The following POGLUT2 variants were observed in gnomAD, a reference collection of about 807,000 sequenced individuals.
POGLUT2 encodes the protein protein O-glucosyltransferase 2.
A neutral mutation model predicts 57.6 loss-of-function variants in POGLUT2; 47 were observed. The ratio of observed to expected loss-of-function variants is 0.82; its 90% confidence interval spans 0.65 to 1.04. The LOEUF is 1.04. Among genes scored for constraint, POGLUT2 ranks in the 50% least tolerant of loss-of-function variants. The pLI is 0.00. For synonymous variants in POGLUT2, 200 were observed against 218.8 expected (o/e 0.91, Z 0.76); for missense variants, 565 against 614.8 (o/e 0.92, Z 0.86).
At chr13:102,793,013 T>A (rs1275290983) in intron 4 of POGLUT2, 1 of 212,520 alleles carries the variant, frequency 4.7e-6, no homozygotes, top group Admixed American at 5.2e-5. Context: ...TGGGCTCAAG[T>A]GATCCACCCG....
At position 102,787,847 on chromosome 13, in the gene POGLUT2, A is replaced by G; in HGVS notation, c.1370T>C (p.Phe457Ser). The change falls in exon 8 of 10, where the codon TTC becomes TCC. Residue 457 changes from phenylalanine to serine, a missense_variant. Coordinates refer to ENST00000376004, the MANE Select transcript of POGLUT2 (RefSeq NM_024089.3). Reference sequence around the variant, plus strand: ...GAAAATACTGACCTGGAAAAGTTTGAAATAATAACAGAATATGTCATCGCC... The same window carrying G: ...GAAAATACTGACCTGGAAAAGTTTGGAATAATAACAGAATATGTCATCGCC... ...LMGDDIFCYY[F>S]KLFQEYANLQ... 1 of 1,560,068 alleles carries G rather than the reference A, an allele frequency of 6.4e-7. No homozygotes were observed. The highest frequency in any genetic ancestry group is 8.7e-7 in the Non-Finnish European group (1 of 1,144,108).
rs763938598 is a variant in POGLUT2, at chr13:102,791,000, T to C, written c.984A>G (p.Glu328=). The C allele has an allele frequency of 3.1e-6, 5 of 1,613,950 alleles. No homozygotes were observed. The highest frequency in any genetic ancestry group is 4.2e-6 in the Non-Finnish European group (5 of 1,179,966). ...ELVKLSRKHP[E]LIDAAFTNFF... Reference sequence around the variant, plus strand: ...AGTTGGTGAAAGCAGCGTCTATGAGTTCTGGGTGTTTTCTACTGAGTTTAA... The same window carrying C: ...AGTTGGTGAAAGCAGCGTCTATGAGCTCTGGGTGTTTTCTACTGAGTTTAA... The change falls in exon 6 of 10, where the codon GAA becomes GAG. Residue 328 remains glutamate, a synonymous_variant. Transcript: ENST00000376004.
At chr13:102,795,760 T>C (rs1878352731) in intron 2 of POGLUT2, among the ~76,000 whole-genome samples, 1 of 152,132 alleles carries the variant, frequency 6.6e-6, no homozygotes, top group African/African-American at 2.4e-5. Context: ...TGTACCAGGC[T>C]GTACTGGCAG....
chr13:102,795,882 G>A (rs528619172), intron 2 of POGLUT2, among the ~76,000 whole-genome samples: 1 of 152,082 alleles, frequency 6.6e-6, no homozygotes, highest in African/African-American at 2.4e-5. Context: ...GGTTGTTAAG[G>A]GGGGGACAAG....
At chr13:102,784,899 T>A (rs1595304175) in intron 9 of POGLUT2, among the ~76,000 whole-genome samples, 1 of 152,184 alleles carries the variant, frequency 6.6e-6, no homozygotes, top group South Asian at 2.1e-4. Context: ...GATAAATAAC[T>A]GAGCAGGAGT....
intron 6 of POGLUT2, 95 bp downstream of exon 6, chr13:102,790,806 C>G (rs1878135794): frequency 1.2e-6 from 1 of 850,910 alleles, no homozygotes; most frequent in Non-Finnish European, 1.9e-6. Flanking sequence ...CTTCTCCCAC[C>G]TCTTGAAATT....
At chr13:102,798,381 G>T in intron 1 of POGLUT2, 108 bp downstream of exon 1, 1 of 1,011,182 alleles carries the variant, frequency 9.9e-7, no homozygotes, top group Non-Finnish European at 1.4e-6. Context: ...CAAATATCCT[G>T]GAATATAAAC....
intron 9 of POGLUT2, 85 bp downstream of exon 9, chr13:102,786,147 G>T: frequency 1.2e-6 from 1 of 835,332 alleles, no homozygotes; most frequent in Non-Finnish European, 2.0e-6. Flanking sequence ...TTTGCTGCCT[G>T]ATTGAATGAC....
rs1466014015 is a variant in POGLUT2, at chr13:102,787,968, T to C, written c.1294-45A>G. 5.5e-6 allele frequency: 7 copies of C among 1,269,702 alleles called. No individual in the cohort carries two copies. The Admixed American group carries it at 7.5e-5, about 14-fold the overall frequency. The allele number at this position is 1,269,702 out of a possible 1,614,324, so 78.7% of individuals were successfully genotyped here. ...AAAATCCTGTAATAGAATCCATTTT[T>C]CCCATGCAGGCATCTGCAAACTGCT... On this transcript the variant is annotated intron_variant, in intron 7 of 9. Transcript: ENST00000376004.
In POGLUT2 at chr13:102,791,327, G is replaced by A. The variant is rs201736290; in HGVS notation, c.776C>T (p.Ser259Phe). The change falls in exon 5 of 10, where the codon TCC (serine) becomes TTC (phenylalanine). Residue 259 changes from serine (S) to phenylalanine (F), a missense_variant. Transcript: ENST00000376004. ...CATCACGATATCCTTGGAATCTGTGGAGCCACACCAGGAAAAGATCGGATG... is the reference window on the plus strand; with the variant it reads ...CATCACGATATCCTTGGAATCTGTGAAGCCACACCAGGAAAAGATCGGATG... ...NIHPIFSWCG[S>F]TDSKDIVMPT... The A allele has an allele frequency of 6.2e-7, 1 of 1,612,496 alleles. No homozygotes were observed. Among genetic ancestry groups the A allele is most frequent in the East Asian group, 2.2e-5 (1 of 44,876 alleles).
At chr13:102,792,975 C>T (rs1878238100) in intron 4 of POGLUT2, among the ~76,000 whole-genome samples, 1 of 152,162 alleles carries the variant, frequency 6.6e-6, no homozygotes, top group Non-Finnish European at 1.5e-5. Context: ...AGGTCTTCAC[C>T]ATGTTGCCCA....
In POGLUT2 at chr13:102,791,426, T is replaced by TGGGC. The variant is rs1186366512; in HGVS notation, c.676_677insGCCC (p.Lys226SerfsTer11). The stretch of plus-strand genomic sequence containing the variant: ...AACAAAGAGCTCCACATCTGGCATC[T>TGGGC]TCACCTAGAAAAAACAAAACGAGGA... On this transcript the variant is annotated frameshift_variant, in exon 5 of 10. Transcript: ENST00000376004. LOFTEE classifies it high-confidence loss of function. 28 of 1,583,036 alleles carry TGGGC rather than the reference T, an allele frequency of 1.8e-5. No homozygotes were observed. Among genetic ancestry groups the TGGGC allele is most frequent in the Non-Finnish European group, 2.4e-5 (28 of 1,170,954 alleles).
At chr13:102,787,498 A>G (rs1877994756) in intron 8 of POGLUT2, among the ~76,000 whole-genome samples, 1 of 152,252 alleles carries the variant, frequency 6.6e-6, no homozygotes, top group Admixed American at 6.5e-5. Context: ...CACTGTTTAG[A>G]CAAAGAAATG....
chr13:102,798,292 A>G (rs763631834), intron 1 of POGLUT2, among the ~76,000 whole-genome samples, 197 bp downstream of exon 1: 1 of 152,250 alleles, frequency 6.6e-6, no homozygotes, highest in Admixed American at 6.5e-5. Context: ...AGATTATTTT[A>G]TATGTTATAT....
chr13:102,786,968 G>A (rs1462184790), intron 8 of POGLUT2, among the ~76,000 whole-genome samples: 5 of 152,062 alleles, frequency 3.3e-5, no homozygotes, highest in Admixed American at 6.6e-5. Context: ...CTGCAACTGT[G>A]AGATAAAACT....
intron 2 of POGLUT2, 22 bp downstream of exon 2, chr13:102,796,782 A>G: frequency 5.9e-6 from 8 of 1,364,140 alleles, no homozygotes; most frequent in Non-Finnish European, 8.3e-6. Flanking sequence ...TACTGCTGTT[A>G]TAAAATTATA....
At position 102,787,047 on chromosome 13, in the gene POGLUT2, TG is replaced by T. The variant is rs1321417155; in HGVS notation, c.1384-709del. ...CTACCTGATTTTGTTTTTTTTTTTT[TG>T]TTTGTTTATTTTTTTGAGACAGAAT... On this transcript the variant is annotated intron_variant, in intron 8 of 9. Coordinates refer to ENST00000376004, the MANE Select transcript of POGLUT2 (RefSeq NM_024089.3). Among the ~76,000 whole-genome samples the T allele has an allele frequency of 2.6e-5, 4 of 152,112 alleles. No individual in the cohort carries two copies. In the East Asian group the frequency reaches 7.7e-4, roughly 29 times the overall value.
In POGLUT2 at chr13:102,791,155, A is replaced by C. The variant is rs1878154030; in HGVS notation, c.846-17T>G. ...AGACTTACCCTAGAAGACAAAGTGC[A>C]ACAGATTTTCCTCCCAAATCATCAT... On this transcript the variant is annotated splice_polypyrimidine_tract_variant and intron_variant, in intron 5 of 9. Coordinates refer to ENST00000376004, the MANE Select transcript of POGLUT2 (RefSeq NM_024089.3). The C allele has an allele frequency of 6.2e-7, 1 of 1,610,858 alleles. No homozygotes were observed. The highest frequency in any genetic ancestry group is 1.3e-5 in the African/African-American group (1 of 74,862).
At chr13:102,790,088 C>A (rs1298329337) in intron 6 of POGLUT2, among the ~76,000 whole-genome samples, 1 of 152,172 alleles carries the variant, frequency 6.6e-6, no homozygotes, top group Non-Finnish European at 1.5e-5. Context: ...TGGCTAGTAT[C>A]CTTTCACTTT....
Sources: gnomAD v4.1 joint callset for allele counts (sites outside exome capture counted in the v4.1 genomes callset) on GRCh38, gnomAD v4.1.1 for gene constraint, MANE v1.5 for transcripts, NCBI Gene and HGNC (gene_info 2026-07-23, HGNC 2026-07-21) for gene names.